The following CXCL12 variants were observed in gnomAD, a reference collection of about 807,000 sequenced individuals.
CXCL12 encodes the protein stromal cell-derived factor 1.
CXCL12 carries 4 observed loss-of-function variants against 10.7 expected under a neutral mutation model. The observed-to-expected ratio is 0.37, with a 90% confidence interval of 0.18 to 0.86. The LOEUF is 0.86. Among genes scored for constraint, CXCL12 ranks in the 40% least tolerant of loss-of-function variants. The probability of loss-of-function intolerance (pLI) is 0.43; values close to 1 mark genes in which losing one functional copy is unlikely to be tolerated. For missense variants in CXCL12, 122 were observed against 110.4 expected, an observed-to-expected ratio of 1.10 and a Z score of -0.47; for synonymous variants, 54 against 45.4, an observed-to-expected ratio of 1.19 and a Z score of -0.77.
chr10:44,383,610 G>GGT (rs9326514), intron 1 of CXCL12, among the ~76,000 whole-genome samples: 1 of 46,744 alleles, frequency 2.1e-5, no homozygotes, highest in South Asian at 7.9e-4. Flanking sequence ...CATGACTTGC[G>GGT]GGGGGGGGGG....
downstream of CXCL12, among the ~76,000 whole-genome samples, chr10:44,375,263 C>T (rs1473691455): frequency 6.6e-6 from 1 of 152,244 alleles, no homozygotes; most frequent in Non-Finnish European, 1.5e-5. Flanking sequence ...CGGGCTCACC[C>T]CACACAGTTT....
Position 44,380,754 on chromosome 10 carries a change from A to G in CXCL12, c.179+9T>C. On this transcript the variant is annotated intron_variant, in intron 2 of 2. Transcript: ENST00000343575. ...TGTTCGTTAGATGATGTTCAATTTC[A>G]AGACTTACACAATCTGAAGGGCACA... The G allele has an allele frequency of 6.2e-7, 1 of 1,605,020 alleles. No homozygotes were observed. The highest frequency in any genetic ancestry group is 8.5e-7 in the Non-Finnish European group (1 of 1,171,636).
chr10:44,373,450 T>G (rs1482958531), downstream of CXCL12: 3 of 983,284 alleles, frequency 3.1e-6, no homozygotes, highest in African/African-American at 4.8e-5. Flanking sequence ...CAATCCCTAC[T>G]TCCAAGTTGC....
Position 44,378,254 on chromosome 10 carries a change from G to T in CXCL12, c.*379C>A, listed in dbSNP as rs778612095. The T allele has an allele frequency of 2.7e-6, 4 of 1,464,550 alleles. No individual in the cohort carries two copies. The highest frequency in any genetic ancestry group is 3.0e-5 in the East Asian group (1 of 33,280). The allele number at this position is 1,464,550 out of a possible 1,614,324, so 90.7% of individuals were successfully genotyped here. ...AGATGCTCCAAACAAGCCAAATTCA[G>T]ATCTTGAAGTACTCGTTGATTTAAA... On this transcript the variant is annotated 3_prime_UTR_variant, in exon 3 of 3. Transcript: ENST00000343575.
rs927033855 is a variant in CXCL12, at chr10:44,378,554, G to T, written c.*79C>A. The T allele has an allele frequency of 6.2e-7, 1 of 1,605,414 alleles. No homozygotes were observed. The highest frequency in any genetic ancestry group is 8.5e-7 in the Non-Finnish European group (1 of 1,174,842). ...TCATGGTTAAGGCCCCCTCCCCCAC[G>T]TCTTTGCCCTTTCATCTCTCACAAG... On this transcript the variant is annotated 3_prime_UTR_variant, in exon 3 of 3. Coordinates refer to ENST00000343575, the MANE Select transcript of CXCL12 (RefSeq NM_199168.4).
In CXCL12 at chr10:44,378,360, T is replaced by C. The variant is rs1333400876; in HGVS notation, c.*273A>G. 1.3e-6 allele frequency: 2 copies of C among 1,515,668 alleles called. No homozygotes were observed. Among genetic ancestry groups the C allele is most frequent in the Non-Finnish European group, 1.8e-6 (2 of 1,127,940 alleles). The allele number at this position is 1,515,668 out of a possible 1,614,324, so 93.9% of individuals were successfully genotyped here. ...AAAATGCTGTTGATAATACAATTTC[T>C]TTCTTAGAAAAACCCCAGTAATAAA... On this transcript the variant is annotated 3_prime_UTR_variant, in exon 3 of 3. Coordinates refer to ENST00000343575, the MANE Select transcript of CXCL12 (RefSeq NM_199168.4).
chr10:44,379,808 T>C (rs1464499285), intron 2 of CXCL12, among the ~76,000 whole-genome samples: 1 of 152,244 alleles, frequency 6.6e-6, no homozygotes, highest in Non-Finnish European at 1.5e-5. Flanking sequence ...TAAAGTATCA[T>C]GTTGTAGGCA....
chr10:44,376,156 G>GC, downstream of CXCL12: 2 of 992,446 alleles, frequency 2.0e-6, no homozygotes, highest in Non-Finnish European at 3.0e-6. Context: ...AGGCCTGGAG[G>GC]CCCCTGGTCA....
chr10:44,380,829 T>C lies in CXCL12; in HGVS notation c.113A>G (p.His38Arg). Residue 38 changes from histidine to arginine, a missense_variant, in exon 2 of 3, where the codon CAT (histidine) becomes CGT (arginine). Coordinates refer to ENST00000343575, the MANE Select transcript of CXCL12 (RefSeq NM_199168.4). ...YRCPCRFFESHVARANVKHLK... is the reference protein window; with the variant it reads ...YRCPCRFFESRVARANVKHLK... ...ATGCTTGACGTTGGCTCTGGCAACA[T>C]GGCTTTCGAAGAATCGGCATGGGCA... 1.2e-6 allele frequency: 2 copies of C among 1,614,222 alleles called. No individual in the cohort carries two copies. Among genetic ancestry groups the C allele is most frequent in the South Asian group, 1.1e-5 (1 of 91,088 alleles).
At chr10:44,374,507 C>A (rs975597166), downstream of CXCL12, 2 of 456,032 alleles carry the variant, frequency 4.4e-6, no homozygotes, top group Non-Finnish European at 8.8e-6. Flanking sequence ...GGCCTGTGAC[C>A]CCCAGTGCTG....
chr10:44,382,687 C>T (rs911932504), intron 1 of CXCL12, among the ~76,000 whole-genome samples: 2 of 152,094 alleles, frequency 1.3e-5, no homozygotes, highest in Non-Finnish European at 2.9e-5. Flanking sequence ...TCTCTCTCCT[C>T]TCCCCCTCCA....
At chr10:44,375,261 C>T (rs547565654), downstream of CXCL12, among the ~76,000 whole-genome samples, 2 of 152,348 alleles carry the variant, frequency 1.3e-5, no homozygotes, top group South Asian at 2.1e-4. Flanking sequence ...CTCGGGCTCA[C>T]CCCACACAGT....
At chr10:44,383,304 CTT>C (rs892622576) in intron 1 of CXCL12, among the ~76,000 whole-genome samples, 4 of 152,198 alleles carry the variant, frequency 2.6e-5, no homozygotes, top group Non-Finnish European at 5.9e-5. Flanking sequence ...GCCCTGGTTA[CTT>C]GGCTGCCAAT....
intron 2 of CXCL12, 75 bp from the exon 3 acceptor site, chr10:44,378,798 C>G: frequency 1.4e-6 from 2 of 1,471,094 alleles, no homozygotes; most frequent in South Asian, 2.3e-5. Context: ...ATCCGCTCCC[C>G]CAACACCCAT....
chr10:44,382,818 T>C (rs1303064105), intron 1 of CXCL12, among the ~76,000 whole-genome samples: 1 of 152,186 alleles, frequency 6.6e-6, no homozygotes, highest in Non-Finnish European at 1.5e-5. Flanking sequence ...CCCCCAGGTG[T>C]GCTTACCAAA....
intron 2 of CXCL12, among the ~76,000 whole-genome samples, chr10:44,378,937 C>T (rs1385800159): frequency 6.6e-6 from 1 of 152,128 alleles, no homozygotes; most frequent in Non-Finnish European, 1.5e-5. Context: ...GAAATGTGAA[C>T]AGAAGTCTTT....
At chr10:44,381,973 G>A (rs748650392) in intron 1 of CXCL12, among the ~76,000 whole-genome samples, 13 of 152,112 alleles carry the variant, frequency 8.5e-5, no homozygotes, top group Non-Finnish European at 1.8e-4. Flanking sequence ...GGAAGTAGGA[G>A]GAAATCTTGA....
Position 44,378,510 on chromosome 10 carries a change from C to A in CXCL12, c.*123G>T. ...CCGATCCCAGATCAATGTGCCCACC[C>A]CACACACACACCTGGTCCTCATGGT... On this transcript the variant is annotated 3_prime_UTR_variant, in exon 3 of 3. Coordinates refer to ENST00000343575, the MANE Select transcript of CXCL12 (RefSeq NM_199168.4). 1.3e-6 allele frequency: 2 copies of A among 1,553,072 alleles called. No individual in the cohort carries two copies. The highest frequency in any genetic ancestry group is 1.7e-6 in the Non-Finnish European group (2 of 1,148,498).
intron 2 of CXCL12, among the ~76,000 whole-genome samples, chr10:44,379,844 T>G (rs2132046732): frequency 6.6e-6 from 1 of 152,354 alleles, no homozygotes; most frequent in Non-Finnish European, 1.5e-5. Flanking sequence ...ATTCATTTTC[T>G]AGGGCCCTAA....
Sources: gnomAD v4.1 joint callset for allele counts (sites outside exome capture counted in the v4.1 genomes callset) on GRCh38, gnomAD v4.1.1 for gene constraint, MANE v1.5 for transcripts, NCBI Gene and HGNC (gene_info 2026-07-23, HGNC 2026-07-21) for gene names.